Variants in MAD1L1 observed in about 807,000 individuals in gnomAD.
The protein encoded by MAD1L1 is mitotic spindle assembly checkpoint protein MAD1.
Under a neutral mutation model 96.9 loss-of-function variants are expected in MAD1L1, and 95 were observed. The observed-to-expected ratio is 0.98, with a 90% CI of 0.83 to 1.16. MAD1L1 has a LOEUF of 1.16. MAD1L1 is among the 50% of genes most tolerant of loss of function. The probability of loss-of-function intolerance (pLI) is 0.00; values close to 1 mark genes in which losing one functional copy is unlikely to be tolerated. For missense variants in MAD1L1, 1,007 were observed against 954.4 expected, an observed-to-expected ratio of 1.06 and a Z score of -0.73; for synonymous variants, 473 against 396.6, an observed-to-expected ratio of 1.19 and a Z score of -2.29.
intron 18 of MAD1L1, among the ~76,000 whole-genome samples, chr7:1,816,450 C>T (rs557660908): frequency 6.6e-6 from 1 of 152,268 alleles, no homozygotes; most frequent in Non-Finnish European, 1.5e-5. Flanking sequence ...CTGTCATCTA[C>T]CCAGGCAGTT....
At chr7:2,081,008 C>T (rs1785615333) in intron 11 of MAD1L1, among the ~76,000 whole-genome samples, 1 of 152,226 alleles carries the variant, frequency 6.6e-6, no homozygotes, top group Non-Finnish European at 1.5e-5. Context: ...TCTGTGCCCC[C>T]TCTCCCTGGT....
intron 16 of MAD1L1, among the ~76,000 whole-genome samples, chr7:1,940,988 TCCCAGGCCTCAGCCTCCTCTTCCTCC>T (rs1562545504): frequency 8.0e-6 from 1 of 124,440 alleles, no homozygotes; most frequent in Non-Finnish European, 1.7e-5. Context: ...CCTCTTCCTC[TCCCAGGCCTCAGCCTCCTCTTCCTCC>T]CCAGGCTTCA....
chr7:1,986,663 C>T (rs563092248), intron 14 of MAD1L1, among the ~76,000 whole-genome samples: 7 of 152,296 alleles, frequency 4.6e-5, no homozygotes, highest in African/African-American at 4.8e-5. Flanking sequence ...GGGCTTCCTG[C>T]CTCTGCCTGG....
intron 17 of MAD1L1, among the ~76,000 whole-genome samples, chr7:1,933,930 C>A (rs1432549736): frequency 6.6e-6 from 1 of 152,164 alleles, no homozygotes; most frequent in Non-Finnish European, 1.5e-5. Flanking sequence ...GGGTTCTCAG[C>A]TCCACCCGCC....
Position 1,916,688 on chromosome 7 carries a change from G to A in MAD1L1, c.1808-18298C>T, listed in dbSNP as rs555968713. 7.2e-5 allele frequency among the ~76,000 whole-genome samples: 11 copies of A among 152,208 alleles called. No homozygotes were observed. In the South Asian group the frequency reaches 2.1e-3, roughly 29 times the overall value. On this transcript the variant is annotated intron_variant, in intron 17 of 18. Coordinates refer to ENST00000265854, the MANE Select transcript of MAD1L1 (RefSeq NM_001013836.2). ...TGATCACTGGCGGGGAGATGAATTC[G>A]TGTCCATGCCCTGTGCTGCGGGTGT... is the stretch of plus-strand genomic sequence containing the variant.
At chr7:1,941,507 C>T (rs912112393) in intron 16 of MAD1L1, among the ~76,000 whole-genome samples, 3 of 152,238 alleles carry the variant, frequency 2.0e-5, no homozygotes, top group African/African-American at 7.2e-5. Flanking sequence ...CACCCTCTGG[C>T]CCCCAACAGT....
At chr7:1,837,154 G>A (rs1231160393) in intron 18 of MAD1L1, among the ~76,000 whole-genome samples, 7 of 152,210 alleles carry the variant, frequency 4.6e-5, no homozygotes, top group Non-Finnish European at 7.3e-5. Context: ...ATTAGCAGAA[G>A]ATGTGAACAG....
intron 18 of MAD1L1, among the ~76,000 whole-genome samples, chr7:1,832,635 G>GGGGCGGGGT (rs1161675340): frequency 6.4e-4 from 16 of 25,190 alleles, no homozygotes; most frequent in African/African-American, 3.9e-3. Flanking sequence ...TTTTTTGGCG[G>GGGGCGGGGT]GGGGGGGGGG....
chr7:1,915,337 G>A (rs971292873), intron 17 of MAD1L1, among the ~76,000 whole-genome samples: 10 of 152,192 alleles, frequency 6.6e-5, no homozygotes, highest in Non-Finnish European at 8.8e-5. Context: ...GGAGGGCTGC[G>A]GTCCGAAAAG....
intron 11 of MAD1L1, among the ~76,000 whole-genome samples, chr7:2,122,820 G>A (rs1009343232): frequency 6.6e-6 from 1 of 152,226 alleles, no homozygotes; most frequent in Admixed American, 6.5e-5. Context: ...AAGTCAAGGC[G>A]CAGGATCTGT....
chr7:1,962,928 C>T lies in MAD1L1; in HGVS notation c.1506-5209G>A, dbSNP rs151257243. Among the ~76,000 whole-genome samples the T allele has an allele frequency of 4.3e-3, 659 of 152,208 alleles. 4 individuals carry two copies. Among genetic ancestry groups the T allele is most frequent in the African/African-American group, 0.015 (618 of 41,510 alleles). On this transcript the variant is annotated intron_variant, in intron 15 of 18. Transcript: ENST00000265854. The stretch of plus-strand genomic sequence containing the variant: ...CACCACTGCACTCCAGCCTGGGCAA[C>T]AGAGCAAGACCCTGTCTGTAAAAGA...
intron 10 of MAD1L1, among the ~76,000 whole-genome samples, chr7:2,150,130 T>C (rs539552310): frequency 4.6e-5 from 7 of 152,260 alleles, no homozygotes; most frequent in Admixed American, 3.9e-4. Context: ...CACCACTGAA[T>C]GAGCAACGGG....
At chr7:2,004,348 G>A (rs1055483134) in intron 13 of MAD1L1, among the ~76,000 whole-genome samples, 3 of 152,196 alleles carry the variant, frequency 2.0e-5, no homozygotes, top group Admixed American at 6.5e-5. Context: ...CGCCACACCC[G>A]GCACACTGTC....
At chr7:2,169,117 G>T (rs1179144814) in intron 10 of MAD1L1, among the ~76,000 whole-genome samples, 1 of 152,226 alleles carries the variant, frequency 6.6e-6, no homozygotes, top group East Asian at 1.9e-4. Context: ...ATCCGTGACA[G>T]GACAAGCGTG....
In MAD1L1 at chr7:2,222,764, G is replaced by A. The variant is rs768672125; in HGVS notation, c.292-10C>T. 18 of 1,578,660 alleles carry A rather than the reference G, an allele frequency of 1.1e-5. No homozygotes were observed. In the East Asian group the frequency reaches 3.4e-4, roughly 30 times the overall value. ...TGCGGTCGACCTCACGCTGTTAAGAGAGCAAGAGTCAGATGCCACGTGCCG... is the reference window on the plus strand; with the variant it reads ...TGCGGTCGACCTCACGCTGTTAAGAAAGCAAGAGTCAGATGCCACGTGCCG... On this transcript the variant is annotated splice_polypyrimidine_tract_variant and intron_variant, in intron 4 of 18. Coordinates refer to ENST00000265854, the MANE Select transcript of MAD1L1 (RefSeq NM_001013836.2).
chr7:2,104,009 T>C (rs1284098097), intron 11 of MAD1L1, among the ~76,000 whole-genome samples: 1 of 151,962 alleles, frequency 6.6e-6, no homozygotes, highest in Non-Finnish European at 1.5e-5. Flanking sequence ...AGGTAAGGAG[T>C]GTGCTCCTCA....
rs569263288 is a variant in MAD1L1 at position 2,103,873 on chromosome 7, G to A, written c.1074-34535C>T. 2.0e-5 allele frequency among the ~76,000 whole-genome samples: 3 copies of A among 152,174 alleles called. No individual in the cohort carries two copies. The highest frequency in any genetic ancestry group is 2.9e-5 in the Non-Finnish European group (2 of 68,040). ...TGGGGTGGGAAAAGGCAAGGAATGC[G>A]GGGAGACCACCAGTTCTGATGCCAC... On this transcript the variant is annotated intron_variant, in intron 11 of 18. Transcript: ENST00000265854. This position sits in a 1 kb window ranked among gnomAD's most constrained non-coding sequence, Gnocchi z 4.3.
intron 12 of MAD1L1, among the ~76,000 whole-genome samples, chr7:2,042,812 A>G: frequency 6.6e-6 from 1 of 152,212 alleles, no homozygotes. Context: ...AGAATGACCC[A>G]GCCTCAGGGA....
At chr7:2,090,736 C>T (rs2128544754) in intron 11 of MAD1L1, among the ~76,000 whole-genome samples, 1 of 152,344 alleles carries the variant, frequency 6.6e-6, no homozygotes. Flanking sequence ...TGTAAAGAAC[C>T]ACAGACGCAG....
Sources: allele counts gnomAD v4.1 joint callset (sites outside exome capture counted in the v4.1 genomes callset), GRCh38; gene constraint gnomAD v4.1.1; non-coding constraint Gnocchi (gnomAD v3.1); transcripts MANE v1.5; gene names NCBI Gene and HGNC (gene_info 2026-07-23, HGNC 2026-07-21).